Variants in EYS observed in about 807,000 individuals in gnomAD.
EYS encodes the protein protein eyes shut homolog.
In EYS, 250 loss-of-function variants were observed where a neutral mutation model predicts 282.1. The observed-to-expected ratio is 0.89, with a 90% CI of 0.80 to 0.98. The LOEUF (loss-of-function observed/expected upper bound fraction) is 0.98, where lower values mean the gene tolerates loss of function less well. Ranked by LOEUF, EYS falls within the 50% of genes least tolerant of loss-of-function variation. The probability of loss-of-function intolerance (pLI) is 0.00; values close to 1 mark genes in which losing one functional copy is unlikely to be tolerated. For missense variants in EYS, 4,016 were observed against 3,709.0 expected (o/e 1.08, Z -2.15); for synonymous variants, 1,355 against 1,282.9 (o/e 1.06, Z -1.20).
At chr6:65,436,321 A>AT in intron 5 of EYS, among the ~76,000 whole-genome samples, 1 of 152,090 alleles carries the variant, frequency 6.6e-6, no homozygotes, top group Non-Finnish European at 1.5e-5. Flanking sequence ...AACAGACATT[A>AT]TTTTTTTCAT....
intron 30 of EYS, among the ~76,000 whole-genome samples, chr6:64,248,353 GTT>G (rs1767088010): frequency 6.6e-6 from 1 of 152,108 alleles, no homozygotes; most frequent in Non-Finnish European, 1.5e-5. Context: ...CTACACTCTG[GTT>G]TTAGCATGGA....
intron 26 of EYS, among the ~76,000 whole-genome samples, chr6:64,575,230 T>C (rs1765842373): frequency 6.6e-6 from 1 of 152,146 alleles, no homozygotes; most frequent in South Asian, 2.1e-4. Flanking sequence ...AATTTTCATG[T>C]CTTGTTTCTT....
At chr6:64,166,987 A>C (rs1479174742) in intron 31 of EYS, among the ~76,000 whole-genome samples, 2 of 152,256 alleles carry the variant, frequency 1.3e-5, no homozygotes, top group Non-Finnish European at 2.9e-5. Context: ...AGCTTCATTT[A>C]GATTTTCCAC....
chr6:63,996,733 G>T (rs1767855298), intron 34 of EYS, among the ~76,000 whole-genome samples: 2 of 152,094 alleles, frequency 1.3e-5, no homozygotes, highest in South Asian at 4.2e-4. Context: ...TGTATTTGAA[G>T]ATAATAATAG....
In EYS at chr6:65,404,157, T is replaced by C. The variant is rs538199799; in HGVS notation, c.1056+1017A>G. ...GAGGATGCATTCATTTTTTCATTTA[T>C]GGTCCCTTCCTCCATCTTTAAAACC... is the stretch of plus-strand genomic sequence containing the variant. On this transcript the variant is annotated intron_variant, in intron 6 of 42. Transcript: ENST00000503581. Among the ~76,000 whole-genome samples the C allele has an allele frequency of 8.3e-4, 126 of 152,176 alleles. 1 individual carries two copies. The highest frequency in any genetic ancestry group is 2.9e-3 in the African/African-American group (119 of 41,566).
chr6:63,926,870 T>C lies in EYS; in HGVS notation c.7055+57513A>G, dbSNP rs571214085. Among the ~76,000 whole-genome samples, 13 of 152,348 alleles carry C rather than the reference T, an allele frequency of 8.5e-5. No homozygotes were observed. The South Asian group carries it at 2.7e-3, about 32-fold the overall frequency. On this transcript the variant is annotated intron_variant, in intron 35 of 42. Transcript: ENST00000503581. Reference sequence around the variant, plus strand: ...TGGGTAAAGGCTGTACTTTGGACTTTAGAATTCAACTATTATATTAATACT... The same window carrying C: ...TGGGTAAAGGCTGTACTTTGGACTTCAGAATTCAACTATTATATTAATACT...
chr6:63,805,838 C>T (rs1770892030), intron 37 of EYS, among the ~76,000 whole-genome samples: 1 of 152,196 alleles, frequency 6.6e-6, no homozygotes, highest in African/African-American at 2.4e-5. Context: ...TACTCTGCTT[C>T]CTCTTCCCCT....
chr6:65,494,686 C>T lies in EYS; in HGVS notation c.725G>A (p.Cys242Tyr). 1.3e-6 allele frequency: 2 copies of T among 1,578,206 alleles called. No homozygotes were observed. The highest frequency in any genetic ancestry group is 2.4e-5 in the East Asian group (1 of 42,544). The part of the protein sequence containing the change: ...RENWDEQAYE[C>Y]VCHPPFTGKN... Reference sequence around the variant, plus strand: ...ACCTGTAAATGGTGGGTGACAGACACATTCATATGCTTGCTCATCCCAATT... The same window carrying T: ...ACCTGTAAATGGTGGGTGACAGACATATTCATATGCTTGCTCATCCCAATT... Residue 242 changes from cysteine (C) to tyrosine (Y), a missense_variant, in exon 4 of 43, where the codon TGT becomes TAT. Transcript: ENST00000503581.
At chr6:64,848,527 C>T (rs981736372) in intron 19 of EYS, among the ~76,000 whole-genome samples, 6 of 151,946 alleles carry the variant, frequency 3.9e-5, no homozygotes, top group African/African-American at 7.2e-5. Context: ...AGACTGATAA[C>T]GAATGCGTGA....
At chr6:63,898,804 A>G (rs1773596356) in intron 35 of EYS, among the ~76,000 whole-genome samples, 1 of 152,152 alleles carries the variant, frequency 6.6e-6, no homozygotes, top group African/African-American at 2.4e-5. Context: ...AAAAGAATGT[A>G]AGATTAAATT....
At chr6:64,898,623 T>G (rs1394353955) in intron 18 of EYS, among the ~76,000 whole-genome samples, 5 of 151,406 alleles carry the variant, frequency 3.3e-5, no homozygotes, top group Admixed American at 2.6e-4. Context: ...TAAATGTAAA[T>G]GGGCTAAATG....
chr6:64,475,002 G>C (rs969786838), intron 26 of EYS, among the ~76,000 whole-genome samples: 1 of 152,150 alleles, frequency 6.6e-6, no homozygotes, highest in African/African-American at 2.4e-5. Flanking sequence ...TGAGGCAATG[G>C]CCAACGGGAA....
chr6:63,993,717 A>T (rs1300518415), intron 34 of EYS, among the ~76,000 whole-genome samples: 2 of 151,960 alleles, frequency 1.3e-5, no homozygotes, highest in African/African-American at 4.8e-5. Context: ...TAAAATGTCC[A>T]TACTATCCAA....
chr6:64,651,672 A>G (rs1187691916), intron 22 of EYS, among the ~76,000 whole-genome samples: 1 of 152,172 alleles, frequency 6.6e-6, no homozygotes, highest in East Asian at 1.9e-4. Flanking sequence ...ACAGAGCGAG[A>G]CTCCGTCTCA....
intron 12 of EYS, among the ~76,000 whole-genome samples, chr6:65,202,247 A>C (rs373473508): frequency 4.6e-5 from 7 of 152,222 alleles, no homozygotes; most frequent in African/African-American, 1.7e-4. Context: ...TAAAAAATAA[A>C]GGAAATCGGG....
intron 2 of EYS, among the ~76,000 whole-genome samples, chr6:65,586,840 G>A (rs1765066139): frequency 6.6e-6 from 1 of 151,950 alleles, no homozygotes; most frequent in Non-Finnish European, 1.5e-5. Flanking sequence ...TTCTATGATA[G>A]ACAGTTTATC....
chr6:63,999,515 T>C (rs1767982156), intron 33 of EYS, among the ~76,000 whole-genome samples: 1 of 152,240 alleles, frequency 6.6e-6, no homozygotes, highest in Non-Finnish European at 1.5e-5. Context: ...GGTTGACATA[T>C]GGTCTCCCTC....
chr6:64,358,616 C>T (rs909315066), intron 29 of EYS, among the ~76,000 whole-genome samples: 1 of 151,602 alleles, frequency 6.6e-6, no homozygotes, highest in African/African-American at 2.4e-5. Flanking sequence ...TGGAAGTTGG[C>T]TCTCTTCACT....
chr6:64,962,905 C>T (rs1388042516), intron 14 of EYS, among the ~76,000 whole-genome samples: 6 of 152,116 alleles, frequency 3.9e-5, no homozygotes. Context: ...TTTTGATTAG[C>T]TCGATGAGGC....
Sources: allele counts gnomAD v4.1 joint callset (sites outside exome capture counted in the v4.1 genomes callset), GRCh38; gene constraint gnomAD v4.1.1; transcripts MANE v1.5; gene names NCBI Gene and HGNC (gene_info 2026-07-23, HGNC 2026-07-21).